Variants in SUSD4 observed in about 807,000 individuals in gnomAD.
SUSD4 encodes sushi domain containing 4, also known as sushi domain-containing protein 4.
A neutral mutation model predicts 50.5 loss-of-function variants in SUSD4; 41 were observed. The ratio of observed to expected loss-of-function variants is 0.81; its 90% CI spans 0.63 to 1.05. The LOEUF is 1.05. Ranked by LOEUF, SUSD4 falls within the 50% of genes least tolerant of loss-of-function variation. The probability of loss-of-function intolerance (pLI) is 0.00; values close to 1 mark genes in which losing one functional copy is unlikely to be tolerated. For missense variants in SUSD4, 580 were observed against 634.7 expected (o/e 0.91, Z 0.93); for synonymous variants, 257 against 257.3 (o/e 1.00, Z 0.01).
intron 2 of SUSD4, among the ~76,000 whole-genome samples, chr1:223,323,484 G>T (rs1374810019): frequency 6.6e-6 from 1 of 152,150 alleles, no homozygotes; most frequent in Non-Finnish European, 1.5e-5. Context: ...TGGCATGCAA[G>T]GATCCAATGA....
intron 5 of SUSD4, among the ~76,000 whole-genome samples, chr1:223,246,132 G>A (rs143118539): frequency 1.1e-4 from 17 of 152,172 alleles, no homozygotes; most frequent in Non-Finnish European, 2.4e-4. Context: ...AAAAGGGAAC[G>A]GGACCCAGTC....
intron 3 of SUSD4, among the ~76,000 whole-genome samples, chr1:223,282,304 T>C (rs570607066): frequency 1.3e-5 from 2 of 152,320 alleles, no homozygotes; most frequent in East Asian, 3.9e-4. Context: ...AAATTGTCCC[T>C]GTTTGCAGAT....
At chr1:223,275,786 G>T (rs992688143) in intron 3 of SUSD4, among the ~76,000 whole-genome samples, 1 of 152,108 alleles carries the variant, frequency 6.6e-6, no homozygotes, top group African/African-American at 2.4e-5. Flanking sequence ...GTCAGTCTGC[G>T]TGACTGAATA....
At position 223,229,422 on chromosome 1, in the gene SUSD4, C is replaced by T. The variant is rs1390279653; in HGVS notation, c.725-34G>A. Reference sequence around the variant, plus strand: ...GTAGGGGAGAATAAAAGTTTCAGAACCACAAGCTCACCTTTGTCTGAAGCC... The same window carrying T: ...GTAGGGGAGAATAAAAGTTTCAGAATCACAAGCTCACCTTTGTCTGAAGCC... On this transcript the variant is annotated intron_variant, in intron 5 of 8. Transcript: ENST00000366878. This position sits in a 1 kb window ranked among gnomAD's most constrained non-coding sequence, Gnocchi z 4.7. The T allele has an allele frequency of 1.3e-6, 2 of 1,554,846 alleles. No homozygotes were observed. Among genetic ancestry groups the T allele is most frequent in the Non-Finnish European group, 1.8e-6 (2 of 1,138,592 alleles).
chr1:223,223,465 T>C lies in SUSD4; in HGVS notation c.1228A>G (p.Ser410Gly), dbSNP rs1283721703. The change falls in exon 8 of 9, where the codon AGC becomes GGC. Residue 410 changes from serine (S) to glycine (G), a missense_variant. Ser to Gly is a moderately conservative substitution (Grantham distance 56). Coordinates refer to ENST00000366878, the MANE Select transcript of SUSD4 (RefSeq NM_017982.4). ...CCTGAGCCGGGGTATGCTGGGGGGC[T>C]CTGGTCGTCCACGGGTAAGGGGCAG... is the stretch of plus-strand genomic sequence containing the variant. ...QGCPLPVDDQ[S>G]PPAYPGSGDT... is the part of the protein sequence containing the mutation. 14 of 1,613,970 alleles carry C rather than the reference T, an allele frequency of 8.7e-6. No individual in the cohort carries two copies. The highest frequency in any genetic ancestry group is 1.2e-5 in the Non-Finnish European group (14 of 1,179,942).
At chr1:223,348,361 A>T (rs891722475) in intron 2 of SUSD4, among the ~76,000 whole-genome samples, 1 of 152,194 alleles carries the variant, frequency 6.6e-6, no homozygotes, top group Non-Finnish European at 1.5e-5. Flanking sequence ...CAGGCTTTTG[A>T]ATCTTACCTA....
intron 2 of SUSD4, among the ~76,000 whole-genome samples, chr1:223,322,648 G>A (rs886509935): frequency 5.3e-5 from 8 of 152,162 alleles, no homozygotes; most frequent in African/African-American, 1.9e-4. Flanking sequence ...TGTGTGGTGT[G>A]TGCATGTGTG....
chr1:223,235,371 CAG>C (rs948874013), intron 5 of SUSD4, among the ~76,000 whole-genome samples: 6 of 152,092 alleles, frequency 3.9e-5, no homozygotes, highest in African/African-American at 1.4e-4. Flanking sequence ...CATTATCACT[CAG>C]AGTCGAGTTT....
chr1:223,333,174 G>A (rs35996176), intron 2 of SUSD4, among the ~76,000 whole-genome samples: 9,751 of 152,100 alleles, frequency 0.064, 374 homozygotes, highest in East Asian at 0.12. Flanking sequence ...ACACACCCAC[G>A]GGTGCACACC....
At chr1:223,297,655 T>C (rs1664914514) in intron 2 of SUSD4, among the ~76,000 whole-genome samples, 1 of 152,190 alleles carries the variant, frequency 6.6e-6, no homozygotes, top group South Asian at 2.1e-4. Context: ...AGAGTCTGAA[T>C]AGGAGGCCTC....
intron 3 of SUSD4, among the ~76,000 whole-genome samples, chr1:223,288,716 G>T (rs1424141418): frequency 6.6e-6 from 1 of 152,268 alleles, no homozygotes; most frequent in East Asian, 1.9e-4. Flanking sequence ...CAAGACAAGG[G>T]TTGATTCTTC....
At chr1:223,288,607 G>T (rs1211084861) in intron 3 of SUSD4, among the ~76,000 whole-genome samples, 1 of 152,060 alleles carries the variant, frequency 6.6e-6, no homozygotes, top group Non-Finnish European at 1.5e-5. Flanking sequence ...CTCCTATCTG[G>T]CTAGTATAGC....
intron 5 of SUSD4, among the ~76,000 whole-genome samples, chr1:223,253,600 G>A (rs1046266637): frequency 6.6e-5 from 10 of 152,178 alleles, no homozygotes; most frequent in African/African-American, 2.2e-4. Flanking sequence ...ACACCCTGCC[G>A]AATATTGCCG....
chr1:223,346,783 C>T (rs765235097), intron 2 of SUSD4, among the ~76,000 whole-genome samples: 1 of 152,184 alleles, frequency 6.6e-6, no homozygotes, highest in Admixed American at 6.5e-5. Context: ...TTGATAAATG[C>T]TACCCATTAA....
chr1:223,292,548 G>A lies in SUSD4; in HGVS notation c.252C>T (p.His84=), dbSNP rs756281725. The part of the protein sequence containing the change: ...VFFEGSVARF[H]CQDGFKLKGA... ...CCTTCAGCTTGAATCCGTCTTGGCAGTGAAATCGGGCTACAGAGCCTTCAA... is the reference window on the plus strand; with the variant it reads ...CCTTCAGCTTGAATCCGTCTTGGCAATGAAATCGGGCTACAGAGCCTTCAA... The change falls in exon 3 of 9, where the codon CAC becomes CAT. Residue 84 remains histidine, a synonymous_variant. Coordinates refer to ENST00000366878, the MANE Select transcript of SUSD4 (RefSeq NM_017982.4). The A allele has an allele frequency of 6.2e-6, 10 of 1,614,192 alleles. No homozygotes were observed. The South Asian group carries it at 1.1e-4, about 18-fold the overall frequency.
chr1:223,307,682 C>T (rs545647571), intron 2 of SUSD4, among the ~76,000 whole-genome samples: 4 of 152,160 alleles, frequency 2.6e-5, no homozygotes, highest in South Asian at 4.1e-4. Context: ...AAATAGAAAG[C>T]GCTGGCTGAC....
At position 223,244,278 on chromosome 1, in the gene SUSD4, A is replaced by C. The variant is rs951709798; in HGVS notation, c.725-14890T>G. Among the ~76,000 whole-genome samples, 4 of 152,336 alleles carry C rather than the reference A, an allele frequency of 2.6e-5. No individual in the cohort carries two copies. The South Asian group carries it at 8.3e-4, about 32-fold the overall frequency. On this transcript the variant is annotated intron_variant, in intron 5 of 8. Transcript: ENST00000366878. Reference sequence around the variant, plus strand: ...GACAACCAGGAGTCAGAAGGTTTAAAAAACTAAAGGCCAGCCCACCTTGCT... The same window carrying C: ...GACAACCAGGAGTCAGAAGGTTTAACAAACTAAAGGCCAGCCCACCTTGCT...
intron 5 of SUSD4, among the ~76,000 whole-genome samples, chr1:223,251,459 C>G (rs143999091): frequency 7.2e-4 from 109 of 152,310 alleles, no homozygotes; most frequent in African/African-American, 2.4e-3. Flanking sequence ...ATCCAATCAC[C>G]TCTCACCAGG....
At chr1:223,317,974 A>G (rs1357157181) in intron 2 of SUSD4, among the ~76,000 whole-genome samples, 2 of 107,618 alleles carry the variant, frequency 1.9e-5, no homozygotes, top group Admixed American at 2.0e-4. Flanking sequence ...GTCATCTAGC[A>G]TTAGGTATAT....
Sources: gnomAD v4.1 joint callset for allele counts (sites outside exome capture counted in the v4.1 genomes callset) on GRCh38, gnomAD v4.1.1 for gene constraint, Gnocchi (gnomAD v3.1) non-coding constraint, MANE v1.5 for transcripts, NCBI Gene and HGNC (gene_info 2026-07-23, HGNC 2026-07-21) for gene names.